SUV39H1: variants seen among roughly 807,000 people sequenced by gnomAD.
SUV39H1 encodes the protein SUV39H1 histone lysine methyltransferase.
For synonymous variants in SUV39H1, 141 were observed against 150.5 expected (o/e 0.94, Z 0.46); for missense variants, 180 against 386.3 (o/e 0.47, Z 4.48).
intron 1 of SUV39H1, among the ~76,000 whole-genome samples, chrX:48,697,071 C>T (rs1557008782): frequency 9.1e-6 from 1 of 109,776 alleles, no homozygotes. Flanking sequence ...GCGGCCGGAC[C>T]GGCGCGCGCA....
upstream of SUV39H1, chrX:48,695,753 G>A: frequency 1.7e-6 from 2 of 1,153,891 alleles, no homozygotes; most frequent in Non-Finnish European, 2.3e-6. Flanking sequence ...ATGGCTGTAC[G>A]TGGTTACGGA....
intron 1 of SUV39H1, among the ~76,000 whole-genome samples, chrX:48,698,453 G>C: frequency 9.0e-6 from 1 of 111,424 alleles, no homozygotes. Flanking sequence ...TTCCAGTTAC[G>C]CCTTTGTTTG....
chrX:48,705,243 C>A (rs2062487211), intron 3 of SUV39H1: 1 of 112,410 alleles, frequency 8.9e-6, no homozygotes, highest in Admixed American at 9.4e-5. Flanking sequence ...CTGGAGCTAC[C>A]TGGAGGGCCG....
intron 3 of SUV39H1, among the ~76,000 whole-genome samples, chrX:48,704,207 G>C (rs1179239680): frequency 1.8e-5 from 2 of 111,586 alleles, no homozygotes; most frequent in Non-Finnish European, 3.8e-5. Context: ...AATCATTAGA[G>C]AATGGGACTG....
At position 48,703,366 on chromosome X, in the gene SUV39H1, C is replaced by T. The variant is rs781958000; in HGVS notation, c.828+2613C>T. 6.3e-5 allele frequency among the ~76,000 whole-genome samples: 7 copies of T among 111,616 alleles called. No homozygotes were observed. The East Asian group carries it at 1.1e-3, about 18-fold the overall frequency. On this transcript the variant is annotated intron_variant, in intron 3 of 5. Coordinates refer to ENST00000376687, the MANE Select transcript of SUV39H1 (RefSeq NM_003173.4). The stretch of plus-strand genomic sequence containing the variant: ...CGTCCCAGATGCTGCCAGGGTGTTA[C>T]GGAATCAAGGGCCTATCTGCACACC...
intron 1 of SUV39H1, among the ~76,000 whole-genome samples, chrX:48,697,152 C>G (rs1216485437): frequency 9.0e-6 from 1 of 110,996 alleles, no homozygotes; most frequent in Admixed American, 9.3e-5. Flanking sequence ...GTTACCCATT[C>G]GGTGTCCACG....
intron 3 of SUV39H1, 33 bp from the exon 4 acceptor site, chrX:48,706,232 C>T (rs1557010108): frequency 8.4e-7 from 1 of 1,190,141 alleles, no homozygotes; most frequent in Non-Finnish European, 1.1e-6. Flanking sequence ...GACTTCGCGG[C>T]CAATCTCCCC....
At position 48,706,596 on chromosome X, in the gene SUV39H1, C is replaced by T; in HGVS notation, c.1074C>T (p.Gly358=). ...AFFATRTIRA[G]EELTFDYNMQ... ...TTGCCACAAGAACCATCCGGGCAGG[C>T]GAGGAGCTCACCTTTGATTACAACA... Residue 358 remains glycine, a synonymous_variant, in exon 5 of 6, where the codon GGC becomes GGT. Coordinates refer to ENST00000376687, the MANE Select transcript of SUV39H1 (RefSeq NM_003173.4). 1 of 1,209,307 alleles carries T rather than the reference C, an allele frequency of 8.3e-7. No homozygotes were observed. Among genetic ancestry groups the T allele is most frequent in the Non-Finnish European group, 1.1e-6 (1 of 894,229 alleles).
chrX:48,696,260 G>C (rs1279362780), upstream of SUV39H1, among the ~76,000 whole-genome samples: 2 of 112,451 alleles, frequency 1.8e-5, no homozygotes, highest in East Asian at 5.6e-4. Flanking sequence ...CCGCTGGCCA[G>C]GGCACAAATG....
rs1482909166 is a variant in SUV39H1, at chrX:48,706,025, A to G, written c.829-240A>G. Among the ~76,000 whole-genome samples the G allele has an allele frequency of 3.5e-4, 39 of 112,978 alleles. No individual in the cohort carries two copies. In the Admixed American group the frequency reaches 3.6e-3, roughly 10 times the overall value. ...GTGGCCCCAGTTGGGCCCTGCAGCC[A>G]GGCCAGCCTGCACTCACCGCCAGGG... On this transcript the variant is annotated intron_variant, in intron 3 of 5. Transcript: ENST00000376687.
intron 3 of SUV39H1, among the ~76,000 whole-genome samples, chrX:48,702,459 A>G (rs2062478036): frequency 9.0e-6 from 1 of 111,318 alleles, no homozygotes; most frequent in Non-Finnish European, 1.9e-5. Flanking sequence ...GGAAGTGTCC[A>G]TGCCCTCAAT....
At chrX:48,706,968 A>G (rs1557010247) in intron 5 of SUV39H1, among the ~76,000 whole-genome samples, 1 of 108,950 alleles carries the variant, frequency 9.2e-6, no homozygotes, top group Non-Finnish European at 1.9e-5. Context: ...TCTTCATCCC[A>G]AGCCTCTGGA....
At chrX:48,704,120 T>C (rs1265035698) in intron 3 of SUV39H1, among the ~76,000 whole-genome samples, 2 of 111,024 alleles carry the variant, frequency 1.8e-5, no homozygotes, top group African/African-American at 6.6e-5. Context: ...GCTTACAGCC[T>C]GTCTTTTCCA....
upstream of SUV39H1, chrX:48,696,706 G>A: frequency 9.0e-7 from 1 of 1,109,777 alleles, no homozygotes; most frequent in Non-Finnish European, 1.2e-6. Context: ...CCAATAGGCT[G>A]CGCGTTCCCG....
At chrX:48,696,710 G>C, upstream of SUV39H1, 1 of 1,114,172 alleles carries the variant, frequency 9.0e-7, no homozygotes, top group Non-Finnish European at 1.2e-6. Context: ...TAGGCTGCGC[G>C]TTCCCGGCCA....
At position 48,700,726 on chromosome X, in the gene SUV39H1, C is replaced by T; in HGVS notation, c.801C>T (p.Asn267=). 1 of 1,210,379 alleles carries T rather than the reference C, an allele frequency of 8.3e-7. No homozygotes were observed. Among genetic ancestry groups the T allele is most frequent in the East Asian group, 3.0e-5 (1 of 33,779 alleles). Residue 267 remains asparagine (N), a synonymous_variant, in exon 3 of 6, where the codon AAC becomes AAT. Coordinates refer to ENST00000376687, the MANE Select transcript of SUV39H1 (RefSeq NM_003173.4). ...GVRTLEKIRK[N]SFVMEYVGEI... Reference sequence around the variant, plus strand: ...GCACCCTGGAGAAGATTCGCAAGAACAGCTTCGTCATGGAGTACGTGGGAG... The same window carrying T: ...GCACCCTGGAGAAGATTCGCAAGAATAGCTTCGTCATGGAGTACGTGGGAG...
intron 5 of SUV39H1, 89 bp downstream of exon 5, chrX:48,706,716 C>A: frequency 9.5e-7 from 1 of 1,055,906 alleles, no homozygotes; most frequent in African/African-American, 1.9e-5. Context: ...ACTCAGAGAA[C>A]CAAGGAAAAT....
At chrX:48,697,736 A>G (rs782613319) in intron 1 of SUV39H1, among the ~76,000 whole-genome samples, 1 of 112,301 alleles carries the variant, frequency 8.9e-6, no homozygotes, top group Non-Finnish European at 1.9e-5. Context: ...AAACATTTTA[A>G]AAAGATGATA....
rs955345359 is a variant in SUV39H1 at position 48,706,054 on chromosome X, C to A, written c.829-211C>A. ...CAGCCTGCACTCACCGCCAGGGACT[C>A]CTCCTGCTAGCCAGAGGCCTGAGGC... On this transcript the variant is annotated intron_variant, in intron 3 of 5. Transcript: ENST00000376687. Among the ~76,000 whole-genome samples the A allele has an allele frequency of 2.7e-5, 3 of 113,099 alleles. No homozygotes were observed. In the East Asian group the frequency reaches 8.4e-4, roughly 32 times the overall value.
Sources: gnomAD v4.1 joint callset for allele counts (sites outside exome capture counted in the v4.1 genomes callset) on GRCh38, gnomAD v4.1.1 for gene constraint, MANE v1.5 for transcripts, NCBI Gene and HGNC (gene_info 2026-07-23, HGNC 2026-07-21) for gene names.